FNDC7: variants seen among roughly 807,000 people sequenced by gnomAD.
FNDC7 encodes fibronectin type III domain-containing protein 7.
Under a neutral mutation model 74.2 loss-of-function variants are expected in FNDC7, and 66 were observed. The ratio of observed to expected loss-of-function variants is 0.89; its 90% CI spans 0.73 to 1.09. The LOEUF (loss-of-function observed/expected upper bound fraction) is 1.09. FNDC7 is among the 50% of genes least tolerant of loss of function. The pLI, the probability that FNDC7 is intolerant of heterozygous loss-of-function variation, is 0.00. For synonymous variants in FNDC7, 307 were observed against 330.2 expected (o/e 0.93, Z 0.76); for missense variants, 829 against 893.4 (o/e 0.93, Z 0.92).
intron 1 of FNDC7, 72 bp downstream of exon 1, chr1:108,713,068 T>C: frequency 7.1e-7 from 1 of 1,408,460 alleles, no homozygotes. Flanking sequence ...TTCTCTCCTT[T>C]TTTTTTTGAG....
In FNDC7 at chr1:108,730,625, T is replaced by A. The variant is rs1661320310; in HGVS notation, c.1625-49T>A. 3.3e-6 allele frequency: 5 copies of A among 1,493,704 alleles called. No homozygotes were observed. The East Asian group carries it at 1.2e-4, about 35-fold the overall frequency. The allele number at this position is 1,493,704 out of a possible 1,614,324, so 92.5% of individuals were successfully genotyped here. A position where few individuals can be genotyped will look rare whatever the true frequency, so the allele number is the denominator to read the frequency against. The stretch of plus-strand genomic sequence containing the variant: ...ATTCTTTATCATTTTTCACAAATAA[T>A]CTTCAGTGGAAATAAATCTCCAATT... On this transcript the variant is annotated intron_variant, in intron 8 of 12. Transcript: ENST00000370017.
chr1:108,734,564 T>C lies in FNDC7; in HGVS notation c.2140+1032T>C, dbSNP rs180946216. The C allele has an allele frequency of 4.6e-5, 7 of 152,340 alleles. No individual in the cohort carries two copies. The East Asian group carries it at 1.4e-3, about 29-fold the overall frequency. 9.4% of individuals were successfully genotyped at this position (152,340 alleles called of 1,614,324 possible). A position where few individuals can be genotyped will look rare whatever the true frequency, so the allele number is the denominator to read the frequency against. On this transcript the variant is annotated intron_variant, in intron 10 of 12. Coordinates refer to ENST00000370017, the MANE Select transcript of FNDC7 (RefSeq NM_001144937.3). ...CCTTACTGATAGCCAGAATCTAAAA[T>C]TTTGAATGATATGTAGGTGACAGGA...
chr1:108,720,082 T>C (rs554675654), intron 4 of FNDC7, among the ~76,000 whole-genome samples: 195 of 152,262 alleles, frequency 1.3e-3, no homozygotes, highest in Non-Finnish European at 2.5e-3. Context: ...ACAGTCTTGG[T>C]GAGTCAGGAT....
intron 11 of FNDC7, among the ~76,000 whole-genome samples, chr1:108,738,578 T>C (rs945935027): frequency 4.1e-5 from 6 of 147,182 alleles, no homozygotes; most frequent in Admixed American, 2.0e-4. Context: ...TGGCTGATTT[T>C]GAATGGTGTG....
intron 10 of FNDC7, chr1:108,734,709 C>G (rs1302004225): frequency 6.6e-6 from 1 of 152,144 alleles, no homozygotes; most frequent in Non-Finnish European, 1.5e-5. Context: ...ACAGGACAAG[C>G]TGGCCCAAAG....
At chr1:108,737,820 T>C (rs1393009198) in intron 11 of FNDC7, among the ~76,000 whole-genome samples, 1 of 152,240 alleles carries the variant, frequency 6.6e-6, no homozygotes, top group Non-Finnish European at 1.5e-5. Context: ...CTTCAGAAAG[T>C]GATTCCCAGC....
intron 9 of FNDC7, among the ~76,000 whole-genome samples, chr1:108,733,009 A>G (rs1203192359): frequency 2.0e-5 from 3 of 150,810 alleles, no homozygotes; most frequent in Non-Finnish European, 4.4e-5. Flanking sequence ...CCTGGGCTTA[A>G]GCGATCCTCC....
chr1:108,731,674 C>A (rs571713749), intron 9 of FNDC7, among the ~76,000 whole-genome samples: 16 of 152,338 alleles, frequency 1.1e-4, no homozygotes, highest in African/African-American at 3.8e-4. Flanking sequence ...GACATGGATT[C>A]TAATAAGCTG....
rs1375021800 is a variant in FNDC7, at chr1:108,717,842, G to A, written c.148G>A (p.Ala50Thr). 3.2e-6 allele frequency: 5 copies of A among 1,551,540 alleles called. No homozygotes were observed. In the Admixed American group the frequency reaches 9.8e-5, roughly 30 times the overall value. The change falls in exon 3 of 13, where the codon GCT (alanine) becomes ACT (threonine). Residue 50 changes from alanine to threonine, a missense_variant. Transcript: ENST00000370017. ...KLSNSITVEW[A>T]TVPGATSYLL... ...CAGCAACAGTATCACTGTAGAATGG[G>A]CTACAGTGCCGGGTGCCACCAGTTA...
At chr1:108,734,885 A>G (rs1661476142) in intron 10 of FNDC7, among the ~76,000 whole-genome samples, 1 of 152,222 alleles carries the variant, frequency 6.6e-6, no homozygotes, top group African/African-American at 2.4e-5. Context: ...AAAATATGCT[A>G]TGCTATAGGC....
chr1:108,721,452 G>C (rs1287427476), intron 4 of FNDC7, among the ~76,000 whole-genome samples: 1 of 152,058 alleles, frequency 6.6e-6, no homozygotes, highest in East Asian at 1.9e-4. Flanking sequence ...CTGGGCGACA[G>C]AGCGAGGCTC....
At chr1:108,732,651 T>TA (rs1661415249) in intron 9 of FNDC7, among the ~76,000 whole-genome samples, 2 of 152,242 alleles carry the variant, frequency 1.3e-5, no homozygotes, top group African/African-American at 4.8e-5. Context: ...TGTTCTGTAT[T>TA]AAAAATTCAT....
chr1:108,739,771 A>T (rs1661595669), intron 11 of FNDC7, among the ~76,000 whole-genome samples: 2 of 152,288 alleles, frequency 1.3e-5, no homozygotes, highest in Admixed American at 1.3e-4. Context: ...TTAGATCACT[A>T]ATGTCCTCTT....
intron 2 of FNDC7, among the ~76,000 whole-genome samples, chr1:108,716,803 G>A (rs977018313): frequency 6.6e-6 from 1 of 151,836 alleles, no homozygotes; most frequent in East Asian, 1.9e-4. Flanking sequence ...CTTTAGTTTT[G>A]AATTTGACAT....
intron 5 of FNDC7, 51 bp from the exon 6 acceptor site, chr1:108,725,699 C>T (rs772889301): frequency 1.4e-5 from 22 of 1,569,836 alleles, no homozygotes; most frequent in East Asian, 6.8e-5. Context: ...TGCAAAGATG[C>T]GAAGAAAATC....
chr1:108,740,427 A>G (rs1336742558), intron 11 of FNDC7, among the ~76,000 whole-genome samples: 2 of 147,130 alleles, frequency 1.4e-5, no homozygotes, highest in East Asian at 4.0e-4. Context: ...TCTGGGATTC[A>G]AGCGATTCTC....
At chr1:108,716,320 G>GGTGTGTGTGTGTGTGTGTGTGTGT (rs141850435) in intron 2 of FNDC7, among the ~76,000 whole-genome samples, 1 of 95,692 alleles carries the variant, frequency 1.0e-5, no homozygotes, top group Non-Finnish European at 2.2e-5. Context: ...GCAGAAGAGA[G>GGTGTGTGTGTGTGTGTGTGTGTGT]GTGTGTGTGT....
At chr1:108,736,678 T>G (rs1291517739) in intron 10 of FNDC7, among the ~76,000 whole-genome samples, 1 of 152,200 alleles carries the variant, frequency 6.6e-6, no homozygotes, top group Admixed American at 6.5e-5. Flanking sequence ...TTTGATGGGA[T>G]GCCATCTCAA....
intron 5 of FNDC7, 135 bp downstream of exon 5, chr1:108,722,727 G>A: frequency 9.9e-7 from 1 of 1,014,836 alleles, no homozygotes; most frequent in South Asian, 2.4e-5. Flanking sequence ...GCATAGAGTT[G>A]GACATTCTCA....
Sources: gnomAD v4.1 joint callset for allele counts (sites outside exome capture counted in the v4.1 genomes callset) on GRCh38, gnomAD v4.1.1 for gene constraint, MANE v1.5 for transcripts, NCBI Gene and HGNC (gene_info 2026-07-23, HGNC 2026-07-21) for gene names.